The following ATXN10 variants were observed in gnomAD, a reference collection of about 807,000 sequenced individuals.
ATXN10 encodes ataxin-10.
ATXN10 carries 28 observed loss-of-function variants against 52.9 expected under a neutral mutation model. The observed-to-expected ratio is 0.53, with a 90% CI of 0.39 to 0.73. The LOEUF (loss-of-function observed/expected upper bound fraction) is 0.73, where lower values mean the gene tolerates loss of function less well. ATXN10 is among the 30% of genes least tolerant of loss of function. The pLI is 0.00. For synonymous variants in ATXN10, 226 were observed against 221.5 expected (o/e 1.02, Z -0.18); for missense variants, 565 against 577.0 (o/e 0.98, Z 0.21).
At position 45,732,080 on chromosome 22, in the gene ATXN10, T is replaced by C. The variant is rs1206135911; in HGVS notation, c.894+2490T>C. On this transcript the variant is annotated intron_variant, in intron 7 of 11. Coordinates refer to ENST00000252934, the MANE Select transcript of ATXN10 (RefSeq NM_013236.4). This position sits in a 1 kb window ranked among gnomAD's most constrained non-coding sequence, Gnocchi z 4.5. ...TAGTGAGAAATTCCTGGTGTAACTT[T>C]TCATATTTAGGAAAACTTCTATTTT... Among the ~76,000 whole-genome samples, 1 of 152,220 alleles carries C rather than the reference T, an allele frequency of 6.6e-6. No individual in the cohort carries two copies.
At chr22:45,777,481 C>T (rs1410749992) in intron 9 of ATXN10, among the ~76,000 whole-genome samples, 1 of 152,304 alleles carries the variant, frequency 6.6e-6, no homozygotes, top group East Asian at 1.9e-4. Flanking sequence ...TGGGAGAGAG[C>T]TTGCATATTT....
intron 8 of ATXN10, 111 bp downstream of exon 8, chr22:45,738,950 GT>G: frequency 9.8e-7 from 1 of 1,019,678 alleles, no homozygotes; most frequent in African/African-American, 1.6e-5. Context: ...TGGGAATTTT[GT>G]GAATATATTT....
intron 8 of ATXN10, among the ~76,000 whole-genome samples, chr22:45,740,024 T>C (rs771983681): frequency 6.6e-6 from 1 of 152,194 alleles, no homozygotes; most frequent in Non-Finnish European, 1.5e-5. Flanking sequence ...ATTAGAAAAG[T>C]TCTTTCATAA....
rs888602063 is a variant in ATXN10, at chr22:45,837,061, C to G, written c.1238-5930C>G. ...TCCCTTGCCTTCATGGGTTTGTTAT[C>G]TAAAAAGAGTTTTAAAATATATGTC... On this transcript the variant is annotated intron_variant, in intron 10 of 11. Coordinates refer to ENST00000252934, the MANE Select transcript of ATXN10 (RefSeq NM_013236.4). The surrounding 1 kb of genome is among the most constrained non-coding windows in gnomAD (Gnocchi z 5.8). 6.6e-6 allele frequency among the ~76,000 whole-genome samples: 1 copy of G among 152,060 alleles called. No homozygotes were observed. Among genetic ancestry groups the G allele is most frequent in the African/African-American group, 2.4e-5 (1 of 41,390 alleles).
At position 45,780,384 on chromosome 22, in the gene ATXN10, G is replaced by C. The variant is rs1927106284; in HGVS notation, c.1174-26575G>C. ...CAGGCATGAGCCACTGTGCCCGTCG[G>C]ACTGTTTGCTCTCATGAGAGCAGGG... On this transcript the variant is annotated intron_variant, in intron 9 of 11. Coordinates refer to ENST00000252934, the MANE Select transcript of ATXN10 (RefSeq NM_013236.4). This position sits in a 1 kb window ranked among gnomAD's most constrained non-coding sequence, Gnocchi z 4.0. 6.6e-6 allele frequency among the ~76,000 whole-genome samples: 1 copy of C among 152,178 alleles called. No homozygotes were observed. The highest frequency in any genetic ancestry group is 6.5e-5 in the Admixed American group (1 of 15,274).
chr22:45,753,060 C>T (rs758362862), intron 9 of ATXN10, among the ~76,000 whole-genome samples: 1 of 152,032 alleles, frequency 6.6e-6, no homozygotes, highest in South Asian at 2.1e-4. Flanking sequence ...ATTGTGTTGT[C>T]CATCTTCGTC....
At chr22:45,738,478 C>A (rs1925384513) in intron 7 of ATXN10, 4 of 432,146 alleles carry the variant, frequency 9.3e-6, no homozygotes, top group Non-Finnish European at 1.7e-5. Context: ...TGACTCTTTG[C>A]TCCAAGAAGA....
intron 5 of ATXN10, among the ~76,000 whole-genome samples, chr22:45,714,355 G>GT: frequency 6.6e-6 from 1 of 152,054 alleles, no homozygotes; most frequent in East Asian, 1.9e-4. Context: ...GTATTTTTCT[G>GT]TTTTTGTATT....
At position 45,718,129 on chromosome 22, in the gene ATXN10, A is replaced by G. The variant is rs564315124; in HGVS notation, c.648-284A>G. 2.2e-4 allele frequency among the ~76,000 whole-genome samples: 33 copies of G among 152,332 alleles called. No homozygotes were observed. Among genetic ancestry groups the G allele is most frequent in the African/African-American group, 6.7e-4 (28 of 41,584 alleles). On this transcript the variant is annotated intron_variant, in intron 5 of 11. Transcript: ENST00000252934. The surrounding 1 kb of genome is among the most constrained non-coding windows in gnomAD (Gnocchi z 4.4). ...GAAGAATTTTTCTTTCTCAACTTAGATAACAGCTATAGTAGCCCTGTCTTC... is the reference window on the plus strand; with the variant it reads ...GAAGAATTTTTCTTTCTCAACTTAGGTAACAGCTATAGTAGCCCTGTCTTC...
In ATXN10 at chr22:45,700,340, G is replaced by A; in HGVS notation, c.450G>A (p.Gln150=). 1 of 1,614,070 alleles carries A rather than the reference G, an allele frequency of 6.2e-7. No homozygotes were observed. Among genetic ancestry groups the A allele is most frequent in the Non-Finnish European group, 8.5e-7 (1 of 1,179,982 alleles). The part of the protein sequence containing the change: ...GNIASRNEDS[Q]SIVWVHAFPE... ...TTGCCTCACGGAATGAAGATTCCCA[G>A]TCTATTGTTTGGGTGCATGCTTTCC... The change falls in exon 4 of 12, where the codon CAG becomes CAA. Residue 150 remains glutamine (Q), a synonymous_variant. Transcript: ENST00000252934.
In ATXN10 at chr22:45,772,399, T is replaced by C. The variant is rs1926808898; in HGVS notation, c.1173+31861T>C. On this transcript the variant is annotated intron_variant, in intron 9 of 11. Coordinates refer to ENST00000252934, the MANE Select transcript of ATXN10 (RefSeq NM_013236.4). This position sits in a 1 kb window ranked among gnomAD's most constrained non-coding sequence, Gnocchi z 4.1. ...TCAAATGGCCCAATTTGTGTGGGTCTGTTTCCAGATATGCTATTTTGTTCG... is the reference window on the plus strand; with the variant it reads ...TCAAATGGCCCAATTTGTGTGGGTCCGTTTCCAGATATGCTATTTTGTTCG... Among the ~76,000 whole-genome samples the C allele has an allele frequency of 6.6e-6, 1 of 152,272 alleles. No homozygotes were observed. The highest frequency in any genetic ancestry group is 2.1e-4 in the South Asian group (1 of 4,834).
chr22:45,826,896 A>G lies in ATXN10; in HGVS notation c.1238-16095A>G, dbSNP rs976460341. Among the ~76,000 whole-genome samples, 11 of 152,238 alleles carry G rather than the reference A, an allele frequency of 7.2e-5. No homozygotes were observed. Among genetic ancestry groups the G allele is most frequent in the African/African-American group, 2.7e-4 (11 of 41,472 alleles). On this transcript the variant is annotated intron_variant, in intron 10 of 11. Coordinates refer to ENST00000252934, the MANE Select transcript of ATXN10 (RefSeq NM_013236.4). The surrounding 1 kb of genome is among the most constrained non-coding windows in gnomAD (Gnocchi z 5.0). Reference sequence around the variant, plus strand: ...TCATGAGCAATATACAAGCTAGTTTATAACTTCACATTTTGTTTTCTACAT... The same window carrying G: ...TCATGAGCAATATACAAGCTAGTTTGTAACTTCACATTTTGTTTTCTACAT...
chr22:45,673,168 A>G (rs1922540411), intron 1 of ATXN10: 1 of 152,256 alleles, frequency 6.6e-6, no homozygotes. Context: ...TAACACATTG[A>G]TTGGTAGTTA....
chr22:45,753,452 C>T (rs1319979871), intron 9 of ATXN10, among the ~76,000 whole-genome samples: 1 of 117,294 alleles, frequency 8.5e-6, no homozygotes, highest in Non-Finnish European at 1.6e-5. Context: ...CTTGCCCAGG[C>T]TGGAGTGCTA....
chr22:45,803,755 C>G (rs1181567871), intron 9 of ATXN10, among the ~76,000 whole-genome samples: 1 of 152,118 alleles, frequency 6.6e-6, no homozygotes, highest in Non-Finnish European at 1.5e-5. Flanking sequence ...CGTACGTACC[C>G]CATCCTGCTG....
chr22:45,736,391 T>C (rs1925297817), intron 7 of ATXN10, among the ~76,000 whole-genome samples: 1 of 152,162 alleles, frequency 6.6e-6, no homozygotes, highest in African/African-American at 2.4e-5. Context: ...ATAATAACAT[T>C]TATTATCAAA....
At chr22:45,768,089 GT>G (rs1457679257) in intron 9 of ATXN10, among the ~76,000 whole-genome samples, 1 of 152,146 alleles carries the variant, frequency 6.6e-6, no homozygotes, top group East Asian at 1.9e-4. Context: ...TGAAATCATG[GT>G]TAGTATTTTT....
In ATXN10 at chr22:45,789,378, C is replaced by T. The variant is rs376940136; in HGVS notation, c.1174-17581C>T. Among the ~76,000 whole-genome samples the T allele has an allele frequency of 1.2e-4, 18 of 152,112 alleles. No individual in the cohort carries two copies. The highest frequency in any genetic ancestry group is 3.3e-4 in the Admixed American group (5 of 15,290). On this transcript the variant is annotated intron_variant, in intron 9 of 11. Coordinates refer to ENST00000252934, the MANE Select transcript of ATXN10 (RefSeq NM_013236.4). This position sits in a 1 kb window ranked among gnomAD's most constrained non-coding sequence, Gnocchi z 4.0. ...TTCTCACGCGCATATATTTTTTTTC[C>T]GCAAATCATTGTTAAGTATCTCGGG...
rs995142358 is a variant in ATXN10 at position 45,727,471 on chromosome 22, G to A, written c.729-1954G>A. Among the ~76,000 whole-genome samples, 1 of 151,936 alleles carries A rather than the reference G, an allele frequency of 6.6e-6. No individual in the cohort carries two copies. Among genetic ancestry groups the A allele is most frequent in the African/African-American group, 2.4e-5 (1 of 41,338 alleles). On this transcript the variant is annotated intron_variant, in intron 6 of 11. Transcript: ENST00000252934. The surrounding 1 kb of genome is among the most constrained non-coding windows in gnomAD (Gnocchi z 4.6). ...CCTCCTGGGTTCAAGTGATTCTTCC[G>A]CCTCAGCCTCCTGAGTAGCTGGATT...
Sources: allele counts gnomAD v4.1 joint callset (sites outside exome capture counted in the v4.1 genomes callset), GRCh38; gene constraint gnomAD v4.1.1; non-coding constraint Gnocchi (gnomAD v3.1); transcripts MANE v1.5; gene names NCBI Gene and HGNC (gene_info 2026-07-23, HGNC 2026-07-21).